The following GATA4 variants were observed in gnomAD, a reference collection of about 807,000 sequenced individuals.
GATA4 encodes transcription factor GATA-4.
Under a neutral mutation model 37.9 loss-of-function variants are expected in GATA4, and 7 were observed. The ratio of observed to expected loss-of-function variants is 0.18; its 90% CI spans 0.11 to 0.35. The LOEUF is 0.35. Among genes scored for constraint, GATA4 ranks in the 10% least tolerant of loss-of-function variants. The pLI, the probability that GATA4 is intolerant of heterozygous loss-of-function variation, is 1.00. For missense variants in GATA4, 647 were observed against 653.0 expected (o/e 0.99, Z 0.10); for synonymous variants, 372 against 292.6 (o/e 1.27, Z -2.77).
intron 2 of GATA4, among the ~76,000 whole-genome samples, chr8:11,738,847 G>C (rs1276055165): frequency 6.6e-6 from 1 of 152,220 alleles, no homozygotes; most frequent in Non-Finnish European, 1.5e-5. Flanking sequence ...AGCCTGGAGA[G>C]GGGCATCATC....
chr8:11,727,395 G>C (rs1249366276), intron 2 of GATA4, among the ~76,000 whole-genome samples: 1 of 152,160 alleles, frequency 6.6e-6, no homozygotes, highest in African/African-American at 2.4e-5. Context: ...CTGGTGAAGG[G>C]GGAGCCCATT....
At chr8:11,711,792 T>A (rs906801258) in intron 2 of GATA4, among the ~76,000 whole-genome samples, 1 of 151,650 alleles carries the variant, frequency 6.6e-6, no homozygotes, top group African/African-American at 2.4e-5. Flanking sequence ...GTGAATGTGC[T>A]TTTTATATGT....
intron 2 of GATA4, among the ~76,000 whole-genome samples, chr8:11,743,771 T>A (rs756973222): frequency 6.6e-6 from 1 of 152,202 alleles, no homozygotes. Context: ...TTCAACCTCC[T>A]GGCCTGCATT....
At chr8:11,679,996 G>T (rs745582569) in intron 1 of GATA4, among the ~76,000 whole-genome samples, 10 of 152,260 alleles carry the variant, frequency 6.6e-5, no homozygotes, top group Non-Finnish European at 1.3e-4. Flanking sequence ...AAGAAAGAAA[G>T]ATTGGGAGAA....
intron 1 of GATA4, among the ~76,000 whole-genome samples, chr8:11,686,221 T>G (rs1799131676): frequency 6.6e-6 from 1 of 151,380 alleles, no homozygotes; most frequent in South Asian, 2.1e-4. Flanking sequence ...GGTCTGTTTT[T>G]TTTTTTTTAA....
chr8:11,743,849 G>A (rs546130177), intron 2 of GATA4, among the ~76,000 whole-genome samples: 8 of 152,300 alleles, frequency 5.3e-5, no homozygotes, highest in East Asian at 1.9e-4. Context: ...GCACCGGCTC[G>A]CTGAGAAATC....
rs568927048 is a variant in GATA4, at chr8:11,739,760, C to T, written c.617-9156C>T. Reference sequence around the variant, plus strand: ...CTTCTGTCGTGTGCGGAGCTTCTGTCGTGTGCGGAGGAGTTTCTGTCGTGT... The same window carrying T: ...CTTCTGTCGTGTGCGGAGCTTCTGTTGTGTGCGGAGGAGTTTCTGTCGTGT... On this transcript the variant is annotated intron_variant, in intron 2 of 6. Transcript: ENST00000532059. 8.0e-4 allele frequency among the ~76,000 whole-genome samples: 80 copies of T among 99,778 alleles called. 1 individual carries two copies. In the East Asian group the frequency reaches 0.018, roughly 23 times the overall value. The allele number at this position is 99,778 out of a possible 152,430, so 65.5% of individuals were successfully genotyped here.
intron 1 of GATA4, chr8:11,680,676 A>T (rs2129924189): frequency 1.0e-6 from 1 of 985,070 alleles, no homozygotes. Context: ...TTTGCGTCAG[A>T]GACCCCCCCC....
At chr8:11,726,115 C>G (rs1800911195) in intron 2 of GATA4, among the ~76,000 whole-genome samples, 1 of 152,230 alleles carries the variant, frequency 6.6e-6, no homozygotes, top group Admixed American at 6.5e-5. Flanking sequence ...TGCACGTATT[C>G]CTTCACAGAA....
At chr8:11,678,012 A>AAATAAT (rs148395155) in intron 1 of GATA4, among the ~76,000 whole-genome samples, 211 of 141,958 alleles carry the variant, frequency 1.5e-3, no homozygotes, top group Middle Eastern at 3.7e-3. Context: ...GGCTGAGTCA[A>AAATAAT]AATAATAATA....
chr8:11,697,920 C>A (rs990747739), intron 1 of GATA4: 21 of 985,488 alleles, frequency 2.1e-5, no homozygotes, highest in Non-Finnish European at 2.5e-5. Flanking sequence ...ACCCACCAGT[C>A]CCCTGATGTG....
intron 1 of GATA4, among the ~76,000 whole-genome samples, chr8:11,686,911 C>G (rs1227158136): frequency 6.6e-6 from 1 of 151,960 alleles, no homozygotes; most frequent in African/African-American, 2.4e-5. Flanking sequence ...GGCAGGAAAA[C>G]CACTTGAACC....
At chr8:11,688,691 C>T (rs1799219894), upstream of GATA4, among the ~76,000 whole-genome samples, 1 of 152,188 alleles carries the variant, frequency 6.6e-6, no homozygotes, top group Non-Finnish European at 1.5e-5. Flanking sequence ...CAACTAGGAA[C>T]ACATTGAGGA....
chr8:11,731,939 A>C (rs945770960), intron 2 of GATA4, among the ~76,000 whole-genome samples: 1 of 152,202 alleles, frequency 6.6e-6, no homozygotes, highest in Non-Finnish European at 1.5e-5. Context: ...CTGGCTCTTC[A>C]GTGTTTCTCT....
rs1190678271 is a variant in GATA4 at position 11,708,114 on chromosome 8, A to G, written c.-199A>G. The G allele has an allele frequency of 2.3e-5, 16 of 684,234 alleles. No individual in the cohort carries two copies. Among genetic ancestry groups the G allele is most frequent in the Non-Finnish European group, 3.9e-5 (15 of 387,068 alleles). The allele number at this position is 684,234 out of a possible 1,614,324, so 42.4% of individuals were successfully genotyped here. A position where few individuals can be genotyped will look rare whatever the true frequency, so the allele number is the denominator to read the frequency against. ...ATTGGGATTTTCCGGAGTAAACAAG[A>G]GCCTAGAGCCCTTTGCTCAATGCTG... On this transcript the variant is annotated 5_prime_UTR_variant, in exon 2 of 7. Coordinates refer to ENST00000532059, the MANE Select transcript of GATA4 (RefSeq NM_001308093.3). This position sits in a 1 kb window ranked among gnomAD's most constrained non-coding sequence, Gnocchi z 6.7.
chr8:11,711,269 C>A (rs1800170235), intron 2 of GATA4, among the ~76,000 whole-genome samples: 1 of 152,194 alleles, frequency 6.6e-6, no homozygotes, highest in Non-Finnish European at 1.5e-5. Flanking sequence ...CCAAGAACTG[C>A]CACCTGCCTT....
intron 4 of GATA4, among the ~76,000 whole-genome samples, chr8:11,754,582 C>G (rs1248887549): frequency 6.6e-6 from 1 of 152,144 alleles, no homozygotes; most frequent in Non-Finnish European, 1.5e-5. Flanking sequence ...CAGTCTGTCT[C>G]TGCTGCCTGA....
intron 2 of GATA4, among the ~76,000 whole-genome samples, chr8:11,736,313 T>G (rs1801450976): frequency 6.6e-6 from 1 of 152,248 alleles, no homozygotes. Flanking sequence ...CGTTGAATGC[T>G]TTCACAGGTA....
chr8:11,737,291 C>A (rs1254221157), intron 2 of GATA4, among the ~76,000 whole-genome samples: 1 of 152,210 alleles, frequency 6.6e-6, no homozygotes, highest in Admixed American at 6.5e-5. Context: ...CCATAAATCT[C>A]CCAGCTGGCT....
Sources: allele counts gnomAD v4.1 joint callset (sites outside exome capture counted in the v4.1 genomes callset), GRCh38; gene constraint gnomAD v4.1.1; non-coding constraint Gnocchi (gnomAD v3.1); transcripts MANE v1.5; gene names NCBI Gene and HGNC (gene_info 2026-07-23, HGNC 2026-07-21).